Variants in MEF2C observed in about 807,000 individuals in gnomAD.
MEF2C encodes the protein myocyte-specific enhancer factor 2C.
MEF2C carries 6 observed loss-of-function variants against 50.5 expected under a neutral mutation model. The ratio of observed to expected loss-of-function variants is 0.12; its 90% CI spans 0.07 to 0.23. The LOEUF (loss-of-function observed/expected upper bound fraction) is 0.23. MEF2C is among the 10% of genes least tolerant of loss of function. MEF2C has a pLI of 1.00. For missense variants in MEF2C, 276 were observed against 605.0 expected (o/e 0.46, Z 5.70); for synonymous variants, 183 against 228.0 (o/e 0.80, Z 1.78).
At chr5:88,816,321 T>C (rs1372464196) in intron 2 of MEF2C, among the ~76,000 whole-genome samples, 1 of 151,966 alleles carries the variant, frequency 6.6e-6, no homozygotes, top group Non-Finnish European at 1.5e-5. Flanking sequence ...TAAATAGTAA[T>C]ATGTGTGGCA....
intron 1 of MEF2C, among the ~76,000 whole-genome samples, chr5:88,892,892 A>G (rs1017114818): frequency 1.3e-5 from 2 of 152,186 alleles, no homozygotes; most frequent in African/African-American, 2.4e-5. Context: ...ATGGCCGTCT[A>G]TGGCAACTGG....
At chr5:88,735,451 T>G in intron 6 of MEF2C, 1 of 985,356 alleles carries the variant, frequency 1.0e-6, no homozygotes, top group Non-Finnish European at 1.2e-6. Context: ...GCACAAAAAT[T>G]ATAAAGCAGG....
intron 2 of MEF2C, among the ~76,000 whole-genome samples, chr5:88,811,530 G>A (rs891921182): frequency 1.3e-4 from 20 of 152,112 alleles, no homozygotes; most frequent in African/African-American, 4.8e-4. Flanking sequence ...CTATGCCTAA[G>A]TATCATAGGG....
intron 3 of MEF2C, among the ~76,000 whole-genome samples, chr5:88,798,004 A>G (rs1796721051): frequency 6.6e-6 from 1 of 152,168 alleles, no homozygotes; most frequent in Non-Finnish European, 1.5e-5. Context: ...GGGTTTCTGT[A>G]GAGAGATCTG....
intron 1 of MEF2C, among the ~76,000 whole-genome samples, chr5:88,837,129 A>G (rs752157619): frequency 1.1e-4 from 16 of 152,038 alleles, no homozygotes; most frequent in Non-Finnish European, 1.9e-4. Context: ...ATTTCCCAAT[A>G]TATTTCAGAT....
intron 3 of MEF2C, chr5:88,768,595 C>T (rs181363528): frequency 2.7e-6 from 2 of 728,464 alleles, no homozygotes; most frequent in East Asian, 2.6e-4. Flanking sequence ...ATCACCAGAA[C>T]TTAGCACAAG....
At position 88,721,506 on chromosome 5, in the gene MEF2C, T is replaced by C. The variant is rs1422778572; in HGVS notation, c.*1098A>G. 6.6e-6 allele frequency: 1 copy of C among 152,428 alleles called. No individual in the cohort carries two copies. Among genetic ancestry groups the C allele is most frequent in the South Asian group, 2.1e-4 (1 of 4,828 alleles). The allele number at this position is 152,428 out of a possible 1,614,324, so 9.4% of individuals were successfully genotyped here. On this transcript the variant is annotated 3_prime_UTR_variant, in exon 11 of 11. Transcript: ENST00000504921. ...AGAGTAAAAGAAAACAGAAAGAAAA[T>C]AGTTACTCAAATGTGCAACTGCACA...
chr5:88,760,455 C>A (rs1386346348), intron 4 of MEF2C, among the ~76,000 whole-genome samples: 3 of 152,218 alleles, frequency 2.0e-5, no homozygotes, highest in African/African-American at 7.2e-5. Context: ...CTGTTCCCTG[C>A]AGCGAGCATT....
intron 1 of MEF2C, among the ~76,000 whole-genome samples, chr5:88,872,054 T>C (rs761860904): frequency 1.5e-4 from 23 of 152,048 alleles, no homozygotes; most frequent in Non-Finnish European, 3.2e-4. Flanking sequence ...TGAAGAAATA[T>C]AAAGACTAAA....
intron 1 of MEF2C, among the ~76,000 whole-genome samples, chr5:88,871,639 T>A (rs1829547733): frequency 6.6e-6 from 1 of 152,076 alleles, no homozygotes. Context: ...AAAATATGAT[T>A]TTTTTTGAGA....
intron 1 of MEF2C, among the ~76,000 whole-genome samples, chr5:88,867,032 C>G (rs185131724): frequency 1.3e-5 from 2 of 152,142 alleles, no homozygotes; most frequent in African/African-American, 2.4e-5. Flanking sequence ...TTTCAATTAA[C>G]GCTAATATCG....
chr5:88,784,396 G>C (rs1269728564), intron 3 of MEF2C, among the ~76,000 whole-genome samples: 1 of 152,130 alleles, frequency 6.6e-6, no homozygotes. Context: ...AACAATGCTT[G>C]AGCCAATATT....
chr5:88,858,806 A>C (rs1023930914), intron 1 of MEF2C, among the ~76,000 whole-genome samples: 5 of 152,232 alleles, frequency 3.3e-5, no homozygotes, highest in South Asian at 2.1e-4. Context: ...TTTAAAAAAA[A>C]CATAAACTAA....
chr5:88,732,095 A>G (rs576778185), intron 6 of MEF2C, among the ~76,000 whole-genome samples, 194 bp from the exon 7 acceptor site: 1 of 152,312 alleles, frequency 6.6e-6, no homozygotes, highest in East Asian at 1.9e-4. Context: ...GGAAGATTAA[A>G]AACTTTTTAT....
intron 1 of MEF2C, among the ~76,000 whole-genome samples, chr5:88,842,837 G>C (rs576539344): frequency 2.0e-5 from 3 of 152,202 alleles, no homozygotes; most frequent in Admixed American, 6.5e-5. Context: ...GACATTCTGG[G>C]TTAGGATCTC....
intron 3 of MEF2C, among the ~76,000 whole-genome samples, chr5:88,781,171 T>A (rs764387921): frequency 3.3e-5 from 5 of 152,214 alleles, no homozygotes; most frequent in Non-Finnish European, 7.3e-5. Context: ...ACAAGAAATA[T>A]ACATACATTA....
intron 3 of MEF2C, chr5:88,775,833 G>A (rs1784494818): frequency 1.0e-6 from 1 of 982,382 alleles, no homozygotes. Context: ...GGTATAGAGA[G>A]TATTTTTGTG....
chr5:88,758,681 C>T (rs372792219), intron 4 of MEF2C, among the ~76,000 whole-genome samples: 1 of 152,110 alleles, frequency 6.6e-6, no homozygotes, highest in Non-Finnish European at 1.5e-5. Flanking sequence ...CAACTCAGAG[C>T]GATGTGCAAA....
chr5:88,893,385 A>G (rs544181213), intron 1 of MEF2C, among the ~76,000 whole-genome samples: 14 of 149,280 alleles, frequency 9.4e-5, no homozygotes, highest in African/African-American at 3.2e-4. Context: ...ATCTTGGCTC[A>G]CTGCAACCTC....
Sources: allele counts gnomAD v4.1 joint callset (sites outside exome capture counted in the v4.1 genomes callset), GRCh38; gene constraint gnomAD v4.1.1; transcripts MANE v1.5; gene names NCBI Gene and HGNC (gene_info 2026-07-23, HGNC 2026-07-21).